FBN1: variants seen among roughly 807,000 people sequenced by gnomAD.
The protein encoded by FBN1 is fibrillin 1.
FBN1 carries 29 observed loss-of-function variants against 365.1 expected under a neutral mutation model. The observed-to-expected ratio is 0.08, with a 90% CI of 0.06 to 0.11. The LOEUF (loss-of-function observed/expected upper bound fraction) is 0.11, where lower values mean the gene tolerates loss of function less well. Ranked by LOEUF, FBN1 falls within the 10% of genes least tolerant of loss-of-function variation. FBN1 has a pLI of 1.00. For synonymous variants in FBN1, 1,210 were observed against 1,270.5 expected (o/e 0.95, Z 1.01); for missense variants, 2,476 against 3,703.2 (o/e 0.67, Z 8.60).
Position 48,410,982 on chromosome 15 carries a change from A to G in FBN1, c.*8T>C, listed in dbSNP as rs1455710929. On this transcript the variant is annotated 3_prime_UTR_variant, in exon 66 of 66. Transcript: ENST00000316623. ...TTTCTTTTAATTATTTGGTCTCTGG[A>G]TGGTGAATTAATGAAGCAAAACCTG... is the stretch of plus-strand genomic sequence containing the variant. The G allele has an allele frequency of 1.7e-5, 27 of 1,612,298 alleles. No homozygotes were observed. Among genetic ancestry groups the G allele is most frequent in the Non-Finnish European group, 2.3e-5 (27 of 1,179,562 alleles).
At chr15:48,496,807 A>G (rs968079145) in intron 19 of FBN1, among the ~76,000 whole-genome samples, 2 of 152,224 alleles carry the variant, frequency 1.3e-5, no homozygotes, top group African/African-American at 4.8e-5. Flanking sequence ...TTAGCTGAAT[A>G]ATATGCCTGT....
At chr15:48,452,831 G>T in intron 44 of FBN1, 147 bp from the exon 45 acceptor site, 1 of 921,016 alleles carries the variant, frequency 1.1e-6, no homozygotes, top group Non-Finnish European at 1.7e-6. Context: ...TTTATTTATT[G>T]CCAGAATTTG....
intron 6 of FBN1, among the ~76,000 whole-genome samples, chr15:48,586,572 G>A (rs2044436729): frequency 2.0e-5 from 3 of 152,068 alleles, no homozygotes; most frequent in African/African-American, 4.8e-5. Flanking sequence ...GGAAGTTATC[G>A]GTATTTAATG....
Position 48,425,455 on chromosome 15 carries a change from T to C in FBN1, c.7367A>G (p.Asn2456Ser), listed in dbSNP as rs2042971753. 1 of 1,614,090 alleles carries C rather than the reference T, an allele frequency of 6.2e-7. No homozygotes were observed. Residue 2456 changes from asparagine (N) to serine (S), a missense_variant, in exon 60 of 66, where the codon AAT becomes AGT. This residue lies in a region of FBN1 where 1,780 missense variants were observed against 2,840.8 expected (regional missense o/e 0.63). Transcript: ENST00000316623. ...NECNQAPKPC[N>S]FICKNTEGSY... ...CCCTTCTGTGTTTTTGCAGATAAAA[T>C]TGCAGGGTTTGGGAGCCTGGTTGCA...
intron 42 of FBN1, 59 bp from the exon 43 acceptor site, chr15:48,460,376 G>T: frequency 9.7e-7 from 1 of 1,036,150 alleles, no homozygotes; most frequent in Non-Finnish European, 1.5e-6. Flanking sequence ...AACAATAATT[G>T]GACTGAAAAA....
chr15:48,408,917 T>C lies in FBN1; in HGVS notation c.*2073A>G, dbSNP rs1566887855. 3 of 152,316 alleles carry C rather than the reference T, an allele frequency of 2.0e-5. No homozygotes were observed. Among genetic ancestry groups the C allele is most frequent in the Non-Finnish European group, 4.4e-5 (3 of 68,046 alleles). The allele number at this position is 152,316 out of a possible 1,614,324, so 9.4% of individuals were successfully genotyped here. Reference sequence around the variant, plus strand: ...TCAAAGACATTTTCCATATGCAAACTGTTGTTTACCATATGCTATATATTC... The same window carrying C: ...TCAAAGACATTTTCCATATGCAAACCGTTGTTTACCATATGCTATATATTC... On this transcript the variant is annotated 3_prime_UTR_variant, in exon 66 of 66. Transcript: ENST00000316623.
At chr15:48,540,954 T>C (rs1430315063) in intron 6 of FBN1, among the ~76,000 whole-genome samples, 1 of 152,136 alleles carries the variant, frequency 6.6e-6, no homozygotes, top group African/African-American at 2.4e-5. Flanking sequence ...TATATGAGGA[T>C]TGCCAAGGTT....
In FBN1 at chr15:48,441,859, CAT is replaced by C. The variant is rs752198920; in HGVS notation, c.6038-15_6038-14del. The C allele has an allele frequency of 6.6e-5, 107 of 1,612,720 alleles. No individual in the cohort carries two copies. Among genetic ancestry groups the C allele is most frequent in the Middle Eastern group, 3.3e-4 (2 of 6,066 alleles). ...CACTCATCAATATCTAAAAGAATCACATGAGTCAAACAAAGTCAAAACACGAT... is the reference window on the plus strand; with the variant it reads ...CACTCATCAATATCTAAAAGAATCACGAGTCAAACAAAGTCAAAACACGAT... On this transcript the variant is annotated splice_polypyrimidine_tract_variant and intron_variant, in intron 49 of 65. Coordinates refer to ENST00000316623, the MANE Select transcript of FBN1 (RefSeq NM_000138.5).
intron 24 of FBN1, among the ~76,000 whole-genome samples, chr15:48,492,197 C>T (rs551022563): frequency 1.1e-4 from 16 of 152,252 alleles, no homozygotes; most frequent in Non-Finnish European, 8.8e-5. Flanking sequence ...TTATAGTTCA[C>T]GGCATATGGG....
chr15:48,415,817 A>G (rs748106075), intron 63 of FBN1, 50 bp from the exon 64 acceptor site: 43 of 1,480,746 alleles, frequency 2.9e-5, no homozygotes, highest in Middle Eastern at 1.8e-4. Context: ...AGAGATTTCT[A>G]TTGAGGACAT....
At chr15:48,430,947 A>T (rs989747749) in intron 55 of FBN1, 145 bp from the exon 56 acceptor site, 6 of 795,026 alleles carry the variant, frequency 7.5e-6, no homozygotes, top group Admixed American at 2.1e-5. Context: ...TGCTCTGTTG[A>T]GTATGATCTC....
In FBN1 at chr15:48,427,333, C is replaced by T. The variant is rs577372645; in HGVS notation, c.7204+234G>A. ...TAAACGGTTTAAAAAGTTGAAGACT[C>T]GCTGGAATGCAGAGGGAGGGTCCTA... is the stretch of plus-strand genomic sequence containing the variant. On this transcript the variant is annotated intron_variant, in intron 58 of 65. Coordinates refer to ENST00000316623, the MANE Select transcript of FBN1 (RefSeq NM_000138.5). 4.9e-4 allele frequency among the ~76,000 whole-genome samples: 74 copies of T among 152,260 alleles called. 1 individual carries two copies. The highest frequency in any genetic ancestry group is 9.0e-4 in the Non-Finnish European group (61 of 68,018).
At chr15:48,619,538 G>C (rs1889725935) in intron 2 of FBN1, among the ~76,000 whole-genome samples, 1 of 151,074 alleles carries the variant, frequency 6.6e-6, no homozygotes, top group South Asian at 2.1e-4. Flanking sequence ...TTCAGTTCCT[G>C]TTTTCAGGGC....
intron 8 of FBN1, among the ~76,000 whole-genome samples, chr15:48,527,935 C>A (rs991701533): frequency 6.6e-6 from 1 of 152,174 alleles, no homozygotes; most frequent in Non-Finnish European, 1.5e-5. Flanking sequence ...GGGTTACCCA[C>A]GTAATATCTC....
rs765839151 is a variant in FBN1, at chr15:48,411,063, T to C, written c.8543A>G (p.Lys2848Arg). 6.2e-7 allele frequency: 1 copy of C among 1,613,966 alleles called. No homozygotes were observed. Among genetic ancestry groups the C allele is most frequent in the Non-Finnish European group, 8.5e-7 (1 of 1,179,956 alleles). The change falls in exon 66 of 66, where the codon AAA becomes AGA. Residue 2848 changes from lysine (K) to arginine (R), a missense_variant. By Grantham distance (26) the Lys-to-Arg change is conservative (BLOSUM62 2). Transcript: ENST00000316623. Reference sequence around the variant, plus strand: ...ACCACTGAGGTAGTCTTTGTCATATTTGTCTTCTAGTTGGTTAAGTTCTTT... The same window carrying C: ...ACCACTGAGGTAGTCTTTGTCATATCTGTCTTCTAGTTGGTTAAGTTCTTT... ...KKKELNQLED[K>R]YDKDYLSGEL... is the part of the protein sequence containing the mutation.
At chr15:48,436,831 G>C (rs1346211204) in intron 53 of FBN1, 130 bp downstream of exon 53, 3 of 739,872 alleles carry the variant, frequency 4.1e-6, no homozygotes, top group Non-Finnish European at 7.5e-6. Context: ...CTAAATGAAT[G>C]ATGTATGAGT....
At chr15:48,502,070 C>T (rs1194951723) in intron 17 of FBN1, among the ~76,000 whole-genome samples, 2 of 152,066 alleles carry the variant, frequency 1.3e-5, no homozygotes, top group African/African-American at 4.8e-5. Flanking sequence ...GCTCTGTCAC[C>T]CACGCTGGAG....
At chr15:48,596,439 C>T (rs2044516766) in intron 5 of FBN1, 61 bp from the exon 6 acceptor site, 1 of 1,470,420 alleles carries the variant, frequency 6.8e-7, no homozygotes, top group East Asian at 2.3e-5. Flanking sequence ...TGAAGTAACA[C>T]TTGTGGTCCT....
intron 6 of FBN1, among the ~76,000 whole-genome samples, chr15:48,580,202 C>A (rs1425354772): frequency 6.6e-6 from 1 of 152,174 alleles, no homozygotes; most frequent in African/African-American, 2.4e-5. Context: ...AATATACAGT[C>A]ATCATGCATG....
Sources: allele counts gnomAD v4.1 joint callset (sites outside exome capture counted in the v4.1 genomes callset), GRCh38; gene constraint gnomAD v4.1.1; regional missense constraint gnomAD v4.1.1; transcripts MANE v1.5; gene names NCBI Gene and HGNC (gene_info 2026-07-23, HGNC 2026-07-21).